Variants in ZNF804A observed in about 807,000 individuals in gnomAD.
ZNF804A encodes zinc finger protein 804A.
Under a neutral mutation model 16.5 loss-of-function variants are expected in ZNF804A, and 2 were observed. That is an observed-to-expected ratio of 0.12 (90% confidence interval 0.05 to 0.38). The LOEUF (loss-of-function observed/expected upper bound fraction) is 0.38. Among genes scored for constraint, ZNF804A ranks in the 10% least tolerant of loss-of-function variants. ZNF804A has a pLI of 0.99. For missense variants in ZNF804A, 1,473 were observed against 1,390.7 expected, an observed-to-expected ratio of 1.06 and a Z score of -0.94; for synonymous variants, 534 against 489.6, an observed-to-expected ratio of 1.09 and a Z score of -1.20.
chr2:184,686,459 G>T (rs1472611897), intron 1 of ZNF804A, among the ~76,000 whole-genome samples: 3 of 152,174 alleles, frequency 2.0e-5, no homozygotes, highest in African/African-American at 7.2e-5. Flanking sequence ...GGACACCTAG[G>T]TTGATTCCAT....
intron 2 of ZNF804A, among the ~76,000 whole-genome samples, chr2:184,878,923 G>A (rs1684763041): frequency 1.3e-5 from 2 of 151,754 alleles, no homozygotes; most frequent in Non-Finnish European, 1.5e-5. Context: ...TAAAGTCTAT[G>A]GAATGGTTCA....
At position 184,902,427 on chromosome 2, in the gene ZNF804A, C is replaced by A. The variant is rs1404954424; in HGVS notation, c.256-31176C>A. 2.0e-5 allele frequency: 3 copies of A among 152,926 alleles called. No individual in the cohort carries two copies. The East Asian group carries it at 5.7e-4, about 29-fold the overall frequency. The allele number at this position is 152,926 out of a possible 1,614,324, so 9.5% of individuals were successfully genotyped here. On this transcript the variant is annotated intron_variant, in intron 2 of 3. Coordinates refer to ENST00000302277, the MANE Select transcript of ZNF804A (RefSeq NM_194250.2). ...TTTGGAGCCTCAGTGTCCTGGGCCA[C>A]CAGAAGGTGGGTGATGTGTGGATCA...
At chr2:184,605,725 G>A (rs569517631) in intron 1 of ZNF804A, among the ~76,000 whole-genome samples, 340 of 152,202 alleles carry the variant, frequency 2.2e-3, no homozygotes, top group Non-Finnish European at 4.2e-3. Context: ...AGGGACTTGA[G>A]AATCTGTAGA....
chr2:184,670,369 A>T (rs188945559), intron 1 of ZNF804A, among the ~76,000 whole-genome samples: 1 of 152,042 alleles, frequency 6.6e-6, no homozygotes, highest in African/African-American at 2.4e-5. Context: ...CTTCCCCATT[A>T]TGCCCTTTAT....
intron 2 of ZNF804A, among the ~76,000 whole-genome samples, chr2:184,875,216 T>C (rs371443493): frequency 1.3e-5 from 2 of 152,294 alleles, no homozygotes; most frequent in South Asian, 4.1e-4. Flanking sequence ...ATGTGTTAGA[T>C]AGAGTTTAGA....
At position 184,937,107 on chromosome 2, in the gene ZNF804A, G is replaced by C. The variant is rs1685803871; in HGVS notation, c.1711G>C (p.Asp571His). Residue 571 changes from aspartate to histidine, a missense_variant, in exon 4 of 4, where the codon GAC (aspartate) becomes CAC (histidine). Transcript: ENST00000302277. ...YNFTKSQIKQ[D>H]TLDEKYNKIR... is the part of the protein sequence containing the mutation. ...TTTTACTAAAAGTCAAATAAAACAG[G>C]ACACTCTAGATGAAAAATACAACAA... 6.2e-7 allele frequency: 1 copy of C among 1,605,454 alleles called. No homozygotes were observed. Among genetic ancestry groups the C allele is most frequent in the Non-Finnish European group, 8.5e-7 (1 of 1,177,864 alleles).
At chr2:184,885,529 T>C (rs111468830) in intron 2 of ZNF804A, among the ~76,000 whole-genome samples, 9,780 of 152,176 alleles carry the variant, frequency 0.064, 1,066 homozygotes, top group African/African-American at 0.22. Context: ...GAGATCATGG[T>C]GTTTGCAGCA....
In ZNF804A at chr2:184,830,800, G is replaced by A. The variant is rs185736763; in HGVS notation, c.112-35569G>A. Among the ~76,000 whole-genome samples the A allele has an allele frequency of 4.6e-5, 7 of 152,160 alleles. No individual in the cohort carries two copies. In the South Asian group the frequency reaches 1.5e-3, roughly 32 times the overall value. ...AATTGGTTCTCTGAAGCACTGAAAA[G>A]AGTTCCATCAGAATAAAGCATTTTA... On this transcript the variant is annotated intron_variant, in intron 1 of 3. Coordinates refer to ENST00000302277, the MANE Select transcript of ZNF804A (RefSeq NM_194250.2).
At chr2:184,722,981 A>G (rs943244282) in intron 1 of ZNF804A, among the ~76,000 whole-genome samples, 1 of 151,940 alleles carries the variant, frequency 6.6e-6, no homozygotes, top group Non-Finnish European at 1.5e-5. Context: ...TAATCATCCA[A>G]TTTAAGAATA....
intron 1 of ZNF804A, among the ~76,000 whole-genome samples, chr2:184,863,870 G>T (rs1268743106): frequency 6.6e-6 from 1 of 151,888 alleles, no homozygotes; most frequent in African/African-American, 2.4e-5. Context: ...AAGCAATTTG[G>T]GTCTATATTA....
Position 184,807,343 on chromosome 2 carries a change from T to C in ZNF804A, c.112-59026T>C, listed in dbSNP as rs114974699. Among the ~76,000 whole-genome samples the C allele has an allele frequency of 3.5e-3, 525 of 151,982 alleles. 1 individual carries two copies. Among genetic ancestry groups the C allele is most frequent in the African/African-American group, 9.7e-3 (402 of 41,542 alleles). On this transcript the variant is annotated intron_variant, in intron 1 of 3. Transcript: ENST00000302277. ...AATTTAGCAACCTGGGTTAATTGTTTGCCATTTTCTGTTGAGTGAAAGAAA... is the reference window on the plus strand; with the variant it reads ...AATTTAGCAACCTGGGTTAATTGTTCGCCATTTTCTGTTGAGTGAAAGAAA...
At chr2:184,891,745 A>G (rs1220327792) in intron 2 of ZNF804A, among the ~76,000 whole-genome samples, 1 of 152,188 alleles carries the variant, frequency 6.6e-6, no homozygotes, top group African/African-American at 2.4e-5. Flanking sequence ...TATTCTTTAT[A>G]TACCTAACAA....
At chr2:184,720,714 A>G (rs1394949503) in intron 1 of ZNF804A, among the ~76,000 whole-genome samples, 12 of 152,206 alleles carry the variant, frequency 7.9e-5, no homozygotes, top group Admixed American at 7.2e-4. Flanking sequence ...TGCAATCTCT[A>G]TCAAAGTACC....
At chr2:184,790,065 T>G (rs1694509479) in intron 1 of ZNF804A, among the ~76,000 whole-genome samples, 1 of 152,098 alleles carries the variant, frequency 6.6e-6, no homozygotes, top group Non-Finnish European at 1.5e-5. Context: ...ATTTCTGCCT[T>G]TATTTCATTG....
In ZNF804A at chr2:184,935,813, A is replaced by G. The variant is rs765735986; in HGVS notation, c.417A>G (p.Ser139=). ...CTGGAAGTGGCCCCATGTTCAAATC[A>G]ACAACTGTTACTGTGAGAGAAAACT... The part of the protein sequence containing the change: ...CAPGSGPMFK[S]TTVTVRENCN... The change falls in exon 4 of 4, where the codon TCA becomes TCG. Residue 139 remains serine (S), a synonymous_variant. Transcript: ENST00000302277. 6.2e-7 allele frequency: 1 copy of G among 1,611,222 alleles called. No homozygotes were observed. The highest frequency in any genetic ancestry group is 1.3e-5 in the African/African-American group (1 of 74,898).
chr2:184,905,147 C>A (rs776411012), intron 2 of ZNF804A, among the ~76,000 whole-genome samples: 15 of 151,620 alleles, frequency 9.9e-5, no homozygotes, highest in Non-Finnish European at 2.1e-4. Context: ...TTTACAGAAC[C>A]AAGTCAGTAA....
At chr2:184,840,034 C>A (rs1390451316) in intron 1 of ZNF804A, among the ~76,000 whole-genome samples, 1 of 152,110 alleles carries the variant, frequency 6.6e-6, no homozygotes, top group African/African-American at 2.4e-5. Context: ...GGAATAGACT[C>A]TTTAGATAAA....
intron 2 of ZNF804A, among the ~76,000 whole-genome samples, chr2:184,872,095 A>T (rs973981359): frequency 2.1e-4 from 32 of 152,154 alleles, no homozygotes; most frequent in Admixed American, 2.6e-4. Context: ...AAATGTTTTC[A>T]TTAAAATGTT....
intron 1 of ZNF804A, among the ~76,000 whole-genome samples, chr2:184,621,286 A>G (rs914526154): frequency 3.4e-4 from 52 of 151,766 alleles, no homozygotes; most frequent in African/African-American, 1.2e-3. Context: ...ACAAATATCA[A>G]GTAAGATACA....
Sources: allele counts gnomAD v4.1 joint callset (sites outside exome capture counted in the v4.1 genomes callset), GRCh38; gene constraint gnomAD v4.1.1; transcripts MANE v1.5; gene names NCBI Gene and HGNC (gene_info 2026-07-23, HGNC 2026-07-21).